Variants in CSMD3 observed in about 807,000 individuals in gnomAD.
CSMD3 encodes CUB and Sushi multiple domains 3.
In CSMD3, 177 loss-of-function variants were observed where a neutral mutation model predicts 435.2. The observed-to-expected ratio is 0.41, with a 90% CI of 0.36 to 0.46. The LOEUF (loss-of-function observed/expected upper bound fraction) is 0.46, where lower values mean the gene tolerates loss of function less well. Among genes scored for constraint, CSMD3 ranks in the 20% least tolerant of loss-of-function variants. The probability of loss-of-function intolerance (pLI) is 0.34; values close to 1 mark genes in which losing one functional copy is unlikely to be tolerated. For missense variants in CSMD3, 4,265 were observed against 4,504.6 expected (o/e 0.95, Z 1.52); for synonymous variants, 1,656 against 1,520.5 (o/e 1.09, Z -2.07).
chr8:113,129,720 C>T (rs773574077), intron 4 of CSMD3, among the ~76,000 whole-genome samples: 1 of 152,058 alleles, frequency 6.6e-6, no homozygotes, highest in East Asian at 1.9e-4. Flanking sequence ...GAAGTATACA[C>T]ACACGTGTAA....
intron 1 of CSMD3, among the ~76,000 whole-genome samples, chr8:113,357,622 T>C (rs1339510980): frequency 1.3e-5 from 2 of 152,234 alleles, no homozygotes; most frequent in East Asian, 3.9e-4. Context: ...TCTTGGAGTA[T>C]GATATGGTTT....
chr8:112,958,975 C>CT (rs533267144), intron 7 of CSMD3, among the ~76,000 whole-genome samples: 10 of 151,986 alleles, frequency 6.6e-5, no homozygotes, highest in Non-Finnish European at 1.5e-4. Context: ...TCAATTGGTC[C>CT]TTTTATCACT....
chr8:113,385,267 C>G (rs1227930602), intron 1 of CSMD3, among the ~76,000 whole-genome samples: 1 of 151,982 alleles, frequency 6.6e-6, no homozygotes, highest in Non-Finnish European at 1.5e-5. Flanking sequence ...ATTCTCAGAG[C>G]CTTAAAACTT....
In CSMD3 at chr8:112,967,764, G is replaced by C. The variant is rs73347945; in HGVS notation, c.1342+8073C>G. Among the ~76,000 whole-genome samples, 570 of 151,648 alleles carry C rather than the reference G, an allele frequency of 3.8e-3. 4 individuals carry two copies. Among genetic ancestry groups the C allele is most frequent in the African/African-American group, 0.013 (532 of 41,400 alleles). On this transcript the variant is annotated intron_variant, in intron 7 of 70. Transcript: ENST00000297405. ...AGTTCAATAAAGCAGGGTCTACTAA[G>C]TTTTGTTCAATACTGTATACCCAGC... is the stretch of plus-strand genomic sequence containing the variant.
intron 1 of CSMD3, among the ~76,000 whole-genome samples, chr8:113,424,810 C>T (rs2094626807): frequency 6.6e-6 from 1 of 151,338 alleles, no homozygotes; most frequent in African/African-American, 2.4e-5. Context: ...TGGAAAGTTA[C>T]AAACAGCATC....
intron 13 of CSMD3, among the ~76,000 whole-genome samples, chr8:112,776,814 T>A (rs1246532892): frequency 6.6e-6 from 1 of 151,810 alleles, no homozygotes; most frequent in Non-Finnish European, 1.5e-5. Context: ...ATCAAGGCTG[T>A]TTGAGAAACA....
intron 1 of CSMD3, among the ~76,000 whole-genome samples, chr8:113,331,164 G>A (rs1157575177): frequency 1.3e-5 from 2 of 151,494 alleles, no homozygotes; most frequent in African/African-American, 4.8e-5. Flanking sequence ...AGGGTTATAA[G>A]GAATTCTATG....
chr8:112,421,611 T>C (rs1812513795), intron 32 of CSMD3, among the ~76,000 whole-genome samples: 1 of 147,270 alleles, frequency 6.8e-6, no homozygotes, highest in South Asian at 2.1e-4. Context: ...ATAATATATG[T>C]ATATATACAT....
intron 32 of CSMD3, among the ~76,000 whole-genome samples, chr8:112,451,685 T>A (rs1056920315): frequency 2.0e-5 from 3 of 152,026 alleles, no homozygotes; most frequent in Admixed American, 6.6e-5. Context: ...ATTACACGCA[T>A]GTGCCACCAT....
At chr8:112,613,998 TAA>T (rs958994587) in intron 22 of CSMD3, among the ~76,000 whole-genome samples, 1 of 152,104 alleles carries the variant, frequency 6.6e-6, no homozygotes, top group African/African-American at 2.4e-5. Context: ...GATTAAACAA[TAA>T]GTCAGATGGT....
chr8:112,637,156 G>A (rs959353507), intron 21 of CSMD3, 151 bp from the exon 22 acceptor site: 4 of 652,738 alleles, frequency 6.1e-6, no homozygotes, highest in African/African-American at 5.5e-5. Context: ...CGTACAAATG[G>A]CACACATACG....
At position 112,234,435 on chromosome 8, in the gene CSMD3, T is replaced by C. The variant is rs2129943522; in HGVS notation, c.10670A>G (p.Tyr3557Cys). The change falls in exon 68 of 71, where the codon TAT becomes TGT. Residue 3557 changes from tyrosine (Y) to cysteine (C), a missense_variant. Coordinates refer to ENST00000297405, the MANE Select transcript of CSMD3 (RefSeq NM_198123.2). The part of the protein sequence containing the change: ...SQEARLMLRI[Y>C]LIKVPAHASV... ...AGCATGAGCAGGTACTTTAATAAGA[T>C]ATATGCGTAACATTAGGCGAGCTTC... The C allele has an allele frequency of 6.2e-6, 10 of 1,613,414 alleles. No homozygotes were observed. Among genetic ancestry groups the C allele is most frequent in the East Asian group, 2.2e-5 (1 of 44,794 alleles).
chr8:112,940,145 A>G (rs1466443751), intron 9 of CSMD3, among the ~76,000 whole-genome samples: 1 of 151,976 alleles, frequency 6.6e-6, no homozygotes, highest in Non-Finnish European at 1.5e-5. Context: ...GTTGATTTAC[A>G]TTATGATAAT....
intron 32 of CSMD3, among the ~76,000 whole-genome samples, chr8:112,414,001 C>T (rs961349826): frequency 5.9e-5 from 9 of 152,148 alleles, no homozygotes; most frequent in South Asian, 2.1e-4. Flanking sequence ...ACCAACAGTA[C>T]TGTTAGGGTG....
At chr8:112,537,728 TA>T (rs976029837) in intron 27 of CSMD3, among the ~76,000 whole-genome samples, 74 of 145,654 alleles carry the variant, frequency 5.1e-4, no homozygotes, top group South Asian at 6.5e-4. Context: ...TTCAAAGTAG[TA>T]AAAAAAAAAA....
chr8:112,855,631 C>T (rs1383560973), intron 11 of CSMD3, among the ~76,000 whole-genome samples: 1 of 151,708 alleles, frequency 6.6e-6, no homozygotes, highest in Non-Finnish European at 1.5e-5. Context: ...AGATGAATGA[C>T]AATTAGATGA....
intron 23 of CSMD3, 46 bp downstream of exon 23, chr8:112,587,020 A>G: frequency 1.5e-6 from 2 of 1,350,600 alleles, no homozygotes; most frequent in Middle Eastern, 3.7e-4. Flanking sequence ...ATGTATATTT[A>G]ATGACTAAAA....
At chr8:113,140,150 A>G (rs1202675728) in intron 4 of CSMD3, among the ~76,000 whole-genome samples, 1 of 151,046 alleles carries the variant, frequency 6.6e-6, no homozygotes, top group Non-Finnish European at 1.5e-5. Context: ...TACCAGACGC[A>G]GAAACGGACA....
chr8:113,252,309 C>T (rs1284870559), intron 3 of CSMD3, among the ~76,000 whole-genome samples: 1 of 152,042 alleles, frequency 6.6e-6, no homozygotes, highest in Non-Finnish European at 1.5e-5. Context: ...AGAGATGATA[C>T]TATCTATCAT....
Sources: allele counts gnomAD v4.1 joint callset (sites outside exome capture counted in the v4.1 genomes callset), GRCh38; gene constraint gnomAD v4.1.1; transcripts MANE v1.5; gene names NCBI Gene and HGNC (gene_info 2026-07-23, HGNC 2026-07-21).